The following ADAMTS2 variants were observed in gnomAD, a reference collection of about 807,000 sequenced individuals.
The protein encoded by ADAMTS2 is ADAM metallopeptidase with thrombospondin type 1 motif 2, also known as A disintegrin and metalloproteinase with thrombospondin motifs 2.
Under a neutral mutation model 123.0 loss-of-function variants are expected in ADAMTS2, and 50 were observed. That is an observed-to-expected ratio of 0.41 (90% CI 0.32 to 0.51). The LOEUF (loss-of-function observed/expected upper bound fraction) is 0.51, where lower values mean the gene tolerates loss of function less well. ADAMTS2 is among the 20% of genes least tolerant of loss of function. The probability of loss-of-function intolerance (pLI) is 0.35; values close to 1 mark genes in which losing one functional copy is unlikely to be tolerated. For missense variants in ADAMTS2, 1,494 were observed against 1,705.2 expected (o/e 0.88, Z 2.18); for synonymous variants, 678 against 695.4 (o/e 0.98, Z 0.39).
At position 179,181,544 on chromosome 5, in the gene ADAMTS2, G is replaced by A. The variant is rs370407132; in HGVS notation, c.892-389C>T. On this transcript the variant is annotated intron_variant, in intron 4 of 21. Coordinates refer to ENST00000251582, the MANE Select transcript of ADAMTS2 (RefSeq NM_014244.5). This position sits in a 1 kb window ranked among gnomAD's most constrained non-coding sequence, Gnocchi z 4.1. The stretch of plus-strand genomic sequence containing the variant: ...CCGCGGCACAGGCAGGGCTGGGACC[G>A]GCCCTGGCAGAAGTCACTCCAAGCT... Among the ~76,000 whole-genome samples the A allele has an allele frequency of 7.9e-5, 12 of 152,234 alleles. No individual in the cohort carries two copies. In the East Asian group the frequency reaches 9.7e-4, roughly 12 times the overall value.
chr5:179,161,442 G>A (rs2113271065), intron 5 of ADAMTS2, among the ~76,000 whole-genome samples: 1 of 152,266 alleles, frequency 6.6e-6, no homozygotes, highest in East Asian at 1.9e-4. Flanking sequence ...AATAAGCCAG[G>A]CTCAGAAAGA....
In ADAMTS2 at chr5:179,307,427, C is replaced by CG. The variant is rs1561719093; in HGVS notation, c.535-34364dup. 6.6e-6 allele frequency among the ~76,000 whole-genome samples: 1 copy of CG among 152,080 alleles called. No homozygotes were observed. The highest frequency in any genetic ancestry group is 2.4e-5 in the African/African-American group (1 of 41,406). On this transcript the variant is annotated intron_variant, in intron 2 of 21. Transcript: ENST00000251582. This position sits in a 1 kb window ranked among gnomAD's most constrained non-coding sequence, Gnocchi z 5.6. ...CCCATGAGCATTCAACAGCCCGGTC[C>CG]GGGGGGCACCACCACGCAGGGGCTT... is the stretch of plus-strand genomic sequence containing the variant.
rs1304801990 is a variant in ADAMTS2 at position 179,262,611 on chromosome 5, G to A, written c.688+10300C>T. Among the ~76,000 whole-genome samples the A allele has an allele frequency of 6.6e-6, 1 of 152,174 alleles. No individual in the cohort carries two copies. Among genetic ancestry groups the A allele is most frequent in the Non-Finnish European group, 1.5e-5 (1 of 68,018 alleles). Reference sequence around the variant, plus strand: ...CGGTAACTCCAGCCTCAGGGCTCCTGCATGTGCTGTTCCCTCTGCCTGGAA... The same window carrying A: ...CGGTAACTCCAGCCTCAGGGCTCCTACATGTGCTGTTCCCTCTGCCTGGAA... On this transcript the variant is annotated intron_variant, in intron 3 of 21. Coordinates refer to ENST00000251582, the MANE Select transcript of ADAMTS2 (RefSeq NM_014244.5). This position sits in a 1 kb window ranked among gnomAD's most constrained non-coding sequence, Gnocchi z 5.9.
chr5:179,331,845 C>T (rs575875458), intron 2 of ADAMTS2, among the ~76,000 whole-genome samples: 2 of 152,328 alleles, frequency 1.3e-5, no homozygotes, highest in South Asian at 4.1e-4. Flanking sequence ...GTTTCCCTCA[C>T]ACCAACCAGT....
intron 2 of ADAMTS2, among the ~76,000 whole-genome samples, chr5:179,321,031 T>C (rs1354111479): frequency 6.6e-6 from 1 of 152,336 alleles, no homozygotes; most frequent in East Asian, 1.9e-4. Flanking sequence ...TGAAGCTAGA[T>C]AGTTCTAGAT....
At position 179,162,290 on chromosome 5, in the gene ADAMTS2, T is replaced by C. The variant is rs1213517294; in HGVS notation, c.976-3411A>G. On this transcript the variant is annotated intron_variant, in intron 5 of 21. Transcript: ENST00000251582. The surrounding 1 kb of genome is among the most constrained non-coding windows in gnomAD (Gnocchi z 5.1). Reference sequence around the variant, plus strand: ...GCCTGGCCAATCCCAGCACCACGCCTTCCTGGCCACCATGAAGGATCAGGG... The same window carrying C: ...GCCTGGCCAATCCCAGCACCACGCCCTCCTGGCCACCATGAAGGATCAGGG... Among the ~76,000 whole-genome samples the C allele has an allele frequency of 2.0e-5, 3 of 151,782 alleles. No individual in the cohort carries two copies. Among genetic ancestry groups the C allele is most frequent in the African/African-American group, 7.3e-5 (3 of 41,048 alleles).
intron 4 of ADAMTS2, among the ~76,000 whole-genome samples, chr5:179,190,931 A>G (rs1764290201): frequency 6.6e-6 from 1 of 152,242 alleles, no homozygotes; most frequent in Non-Finnish European, 1.5e-5. Context: ...TGCTGTGCCC[A>G]GGCACGTCCG....
In ADAMTS2 at chr5:179,344,134, C is replaced by A; in HGVS notation, c.167G>T (p.Arg56Leu). The stretch of plus-strand genomic sequence containing the variant: ...AGTGCGCACGGGCACCGCCAGGATG[C>A]GCTCCGCTCCGTGCCCCAGGGGCCC... ...PGGPLGHGAE[R>L]ILAVPVRTDA... The change falls in exon 2 of 22, where the codon CGC (arginine) becomes CTC (leucine). Residue 56 changes from arginine (R) to leucine (L), a missense_variant. Physicochemically the swap from Arg to Leu is moderately radical, Grantham distance 102. Around this residue, in one of 6 missense-constraint regions of ADAMTS2, gnomAD observed 237 missense variants for 233.7 expected, o/e 1.01. Coordinates refer to ENST00000251582, the MANE Select transcript of ADAMTS2 (RefSeq NM_014244.5). The A allele has an allele frequency of 6.2e-7, 1 of 1,602,924 alleles. No homozygotes were observed. The highest frequency in any genetic ancestry group is 8.5e-7 in the Non-Finnish European group (1 of 1,175,334).
chr5:179,154,246 C>A, intron 7 of ADAMTS2, 54 bp from the exon 8 acceptor site: 1 of 1,534,004 alleles, frequency 6.5e-7, no homozygotes, highest in South Asian at 1.2e-5. Flanking sequence ...GTCTGCCAGT[C>A]CCACCCCACC....
At chr5:179,263,950 G>A (rs1396936190) in intron 3 of ADAMTS2, among the ~76,000 whole-genome samples, 1 of 152,202 alleles carries the variant, frequency 6.6e-6, no homozygotes, top group Non-Finnish European at 1.5e-5. Context: ...CTTGGAGCTG[G>A]CTGAAGTGTC....
chr5:179,340,181 C>A (rs1207689038), intron 2 of ADAMTS2, among the ~76,000 whole-genome samples: 2 of 152,248 alleles, frequency 1.3e-5, no homozygotes, highest in African/African-American at 4.8e-5. Context: ...CAGGATTGGA[C>A]CAGGCCTTGG....
intron 4 of ADAMTS2, among the ~76,000 whole-genome samples, chr5:179,199,036 G>GA (rs1375702087): frequency 6.6e-6 from 1 of 152,102 alleles, no homozygotes; most frequent in Non-Finnish European, 1.5e-5. Context: ...GCATCCAGGG[G>GA]GCACATGCAG....
chr5:179,113,707 G>T lies in ADAMTS2; in HGVS notation c.*160C>A. On this transcript the variant is annotated 3_prime_UTR_variant, in exon 22 of 22. Coordinates refer to ENST00000251582, the MANE Select transcript of ADAMTS2 (RefSeq NM_014244.5). ...ACACGTGCTAACCTAGTTACCACAT[G>T]CTCATGCCTATCTTTCTTACGTCAT... 1 of 754,390 alleles carries T rather than the reference G, an allele frequency of 1.3e-6. No homozygotes were observed. The highest frequency in any genetic ancestry group is 2.2e-6 in the Non-Finnish European group (1 of 449,324). 46.7% of individuals were successfully genotyped at this position (754,390 alleles called of 1,614,324 possible).
At chr5:179,238,261 C>T (rs757036876) in intron 3 of ADAMTS2, among the ~76,000 whole-genome samples, 2 of 152,210 alleles carry the variant, frequency 1.3e-5, no homozygotes, top group Non-Finnish European at 2.9e-5. Context: ...AGCTGAGTCC[C>T]GGTTTTCACC....
At chr5:179,284,361 AAAAC>A (rs1353345067) in intron 2 of ADAMTS2, among the ~76,000 whole-genome samples, 4 of 152,050 alleles carry the variant, frequency 2.6e-5, no homozygotes, top group African/African-American at 9.7e-5. Context: ...ACAGACAACA[AAAAC>A]AATAAATGGT....
At chr5:179,299,471 G>A (rs1756444984) in intron 2 of ADAMTS2, among the ~76,000 whole-genome samples, 1 of 143,066 alleles carries the variant, frequency 7.0e-6, no homozygotes. Context: ...GGAGCTTGCA[G>A]TGAGCCAAGA....
intron 2 of ADAMTS2, 109 bp downstream of exon 2, chr5:179,343,658 G>C: frequency 7.0e-7 from 1 of 1,438,704 alleles, no homozygotes; most frequent in Non-Finnish European, 9.4e-7. Context: ...GAAGGGCGCG[G>C]AAAGTCCTCA....
intron 5 of ADAMTS2, among the ~76,000 whole-genome samples, chr5:179,165,401 C>T (rs1184220382): frequency 6.6e-6 from 1 of 152,214 alleles, no homozygotes; most frequent in Non-Finnish European, 1.5e-5. Context: ...CCAGCTCGCC[C>T]TGGTCATCTA....
intron 2 of ADAMTS2, among the ~76,000 whole-genome samples, chr5:179,329,945 T>C: frequency 6.6e-6 from 1 of 150,982 alleles, no homozygotes; most frequent in Non-Finnish European, 1.5e-5. Context: ...GCTAACAAGG[T>C]GAAACCCCGT....
Sources: gnomAD v4.1 joint callset for allele counts (sites outside exome capture counted in the v4.1 genomes callset) on GRCh38, gnomAD v4.1.1 for gene constraint, gnomAD v4.1.1 regional missense constraint, Gnocchi (gnomAD v3.1) non-coding constraint, MANE v1.5 for transcripts, NCBI Gene and HGNC (gene_info 2026-07-23, HGNC 2026-07-21) for gene names.